NAALADL2: variants seen among roughly 807,000 people sequenced by gnomAD.
NAALADL2 encodes the protein inactive N-acetylated-alpha-linked acidic dipeptidase-like protein 2.
Under a neutral mutation model 87.2 loss-of-function variants are expected in NAALADL2, and 76 were observed. The observed-to-expected ratio is 0.87, with a 90% CI of 0.72 to 1.05. The LOEUF is 1.05. Ranked by LOEUF, NAALADL2 falls within the 50% of genes least tolerant of loss-of-function variation. The probability of loss-of-function intolerance (pLI) is 0.00; values close to 1 mark genes in which losing one functional copy is unlikely to be tolerated. For synonymous variants in NAALADL2, 354 were observed against 331.0 expected (o/e 1.07, Z -0.75); for missense variants, 1,089 against 945.8 (o/e 1.15, Z -1.99).
At chr3:175,201,484 G>A (rs1678846794) in intron 2 of NAALADL2, among the ~76,000 whole-genome samples, 1 of 151,980 alleles carries the variant, frequency 6.6e-6, no homozygotes, top group Non-Finnish European at 1.5e-5. Flanking sequence ...AACATATCAT[G>A]AGCCCCATGG....
At chr3:174,592,955 G>A (rs771210506) in intron 2 of NAALADL2, among the ~76,000 whole-genome samples, 4 of 152,040 alleles carry the variant, frequency 2.6e-5, no homozygotes, top group Non-Finnish European at 5.9e-5. Flanking sequence ...AAGAAAGGAA[G>A]AGGTAGAGAG....
chr3:175,696,391 T>G (rs1737798223), intron 11 of NAALADL2, among the ~76,000 whole-genome samples: 1 of 152,230 alleles, frequency 6.6e-6, no homozygotes, highest in Middle Eastern at 3.4e-3. Flanking sequence ...GAAAGATTTC[T>G]TTTCCTTCCA....
At chr3:175,447,955 A>G (rs1400860651) in intron 6 of NAALADL2, among the ~76,000 whole-genome samples, 1 of 152,182 alleles carries the variant, frequency 6.6e-6, no homozygotes, top group African/African-American at 2.4e-5. Context: ...CTCCAGCCTC[A>G]GCATTAGGGT....
intron 4 of NAALADL2, among the ~76,000 whole-genome samples, chr3:175,307,294 C>G (rs943720140): frequency 4.0e-5 from 6 of 151,860 alleles, no homozygotes; most frequent in Admixed American, 3.9e-4. Flanking sequence ...TTGGAAAAGT[C>G]CTTTTTGAAA....
At chr3:175,581,901 G>A (rs545181139) in intron 10 of NAALADL2, among the ~76,000 whole-genome samples, 1 of 152,260 alleles carries the variant, frequency 6.6e-6, no homozygotes, top group Admixed American at 6.5e-5. Flanking sequence ...GATTTGAGCT[G>A]TGATTCTATA....
intron 3 of NAALADL2, among the ~76,000 whole-genome samples, chr3:174,824,823 G>A (rs887956793): frequency 2.0e-5 from 3 of 152,108 alleles, no homozygotes; most frequent in African/African-American, 7.2e-5. Context: ...GATAAATGGA[G>A]GATACTGGAA....
At chr3:175,375,859 G>C (rs1038235114) in intron 5 of NAALADL2, among the ~76,000 whole-genome samples, 7 of 151,662 alleles carry the variant, frequency 4.6e-5, no homozygotes, top group Non-Finnish European at 8.8e-5. Context: ...TGTTAATTGA[G>C]TATTATATTT....
At chr3:174,964,039 A>AAT (rs1435891466) in intron 1 of NAALADL2, among the ~76,000 whole-genome samples, 3 of 151,832 alleles carry the variant, frequency 2.0e-5, no homozygotes, top group Admixed American at 1.3e-4. Flanking sequence ...TTTTGGGAAA[A>AAT]AAAACTACCT....
At chr3:175,631,495 CTT>C (rs1158603574) in intron 11 of NAALADL2, among the ~76,000 whole-genome samples, 1 of 141,708 alleles carries the variant, frequency 7.1e-6, no homozygotes, top group Non-Finnish European at 1.5e-5. Context: ...TGGCACTTGT[CTT>C]TTTGATATAA....
At chr3:175,522,011 G>A (rs1488816212) in intron 9 of NAALADL2, among the ~76,000 whole-genome samples, 1 of 151,948 alleles carries the variant, frequency 6.6e-6, no homozygotes, top group Non-Finnish European at 1.5e-5. Flanking sequence ...AAGAAACCAA[G>A]TCATTATTTA....
chr3:175,056,738 A>G (rs1712279373), intron 1 of NAALADL2, among the ~76,000 whole-genome samples: 1 of 152,244 alleles, frequency 6.6e-6, no homozygotes, highest in Non-Finnish European at 1.5e-5. Context: ...CGAAATAAAG[A>G]GATGGGCCGA....
chr3:174,963,426 G>C (rs139694929), intron 1 of NAALADL2, among the ~76,000 whole-genome samples: 1 of 152,084 alleles, frequency 6.6e-6, no homozygotes, highest in African/African-American at 2.4e-5. Context: ...GGAAATGGGG[G>C]ACAAGTAGAA....
At chr3:175,654,635 G>GTA (rs1731204039) in intron 11 of NAALADL2, among the ~76,000 whole-genome samples, 1 of 152,180 alleles carries the variant, frequency 6.6e-6, no homozygotes, top group Non-Finnish European at 1.5e-5. Context: ...TGGCATCGCT[G>GTA]TAAGTGCAGC....
chr3:174,646,935 G>T (rs565586742), intron 2 of NAALADL2, among the ~76,000 whole-genome samples: 37 of 152,148 alleles, frequency 2.4e-4, no homozygotes, highest in African/African-American at 8.2e-4. Context: ...TTCTCTGCTT[G>T]CATTTCAGTA....
chr3:175,802,859 TAGG>T (rs755258242), intron 13 of NAALADL2, 143 bp from the exon 14 acceptor site: 96 of 581,812 alleles, frequency 1.7e-4, no homozygotes, highest in South Asian at 4.6e-4. Flanking sequence ...GTTAATTCAT[TAGG>T]AGTTGAAAAA....
At position 174,452,761 on chromosome 3, in the gene NAALADL2, G is replaced by GA. The variant is rs565569906; in HGVS notation, c.-184+11741dup. The stretch of plus-strand genomic sequence containing the variant: ...CTCAAGGTCATCAAATAGCATAAAA[G>GA]AAAAAAAAAAAACTCATTCAAAGGA... On this transcript the variant is annotated intron_variant, in intron 1 of 3. Coordinates refer to the NAALADL2 transcript ENST00000434257. Among the ~76,000 whole-genome samples the GA allele has an allele frequency of 9.1e-3, 1,242 of 136,648 alleles. 7 individuals carry two copies. Among genetic ancestry groups the GA allele is most frequent in the South Asian group, 0.011 (47 of 4,270 alleles). 89.6% of individuals were successfully genotyped at this position (136,648 alleles called of 152,430 possible). A position where few individuals can be genotyped will look rare whatever the true frequency, so the allele number is the denominator to read the frequency against.
intron 2 of NAALADL2, among the ~76,000 whole-genome samples, chr3:175,181,769 G>GTATATA (rs1736583629): frequency 7.5e-6 from 1 of 133,560 alleles, no homozygotes. Flanking sequence ...GTATATATGT[G>GTATATA]TGTATATATG....
chr3:175,125,268 A>AT (rs1560059110), intron 2 of NAALADL2, among the ~76,000 whole-genome samples: 2 of 152,028 alleles, frequency 1.3e-5, no homozygotes, highest in Non-Finnish European at 2.9e-5. Context: ...AGGGTGAAAC[A>AT]TTGTGGGCCA....
At chr3:175,398,366 T>C (rs1471094392) in intron 5 of NAALADL2, among the ~76,000 whole-genome samples, 125 of 147,998 alleles carry the variant, frequency 8.4e-4, no homozygotes, top group African/African-American at 2.6e-3. Flanking sequence ...TTTTTTTTTT[T>C]CCATCCTTTG....
Sources: gnomAD v4.1 joint callset for allele counts (sites outside exome capture counted in the v4.1 genomes callset) on GRCh38, gnomAD v4.1.1 for gene constraint, MANE v1.5 for transcripts, NCBI Gene and HGNC (gene_info 2026-07-23, HGNC 2026-07-21) for gene names.